TSEN15: variants seen among roughly 807,000 people sequenced by gnomAD.
TSEN15 encodes the protein tRNA splicing endonuclease subunit 15, also known as tRNA-splicing endonuclease subunit Sen15.
A neutral mutation model predicts 20.5 loss-of-function variants in TSEN15; 10 were observed. The ratio of observed to expected loss-of-function variants is 0.49; its 90% CI spans 0.30 to 0.83. The LOEUF (loss-of-function observed/expected upper bound fraction) is 0.83, where lower values mean the gene tolerates loss of function less well. TSEN15 is among the 40% of genes least tolerant of loss of function. TSEN15 has a pLI of 0.06. For missense variants in TSEN15, 180 were observed against 218.6 expected (o/e 0.82, Z 1.11); for synonymous variants, 72 against 80.1 (o/e 0.90, Z 0.54).
chr1:184,055,591 A>G (rs530080532), intron 3 of TSEN15, among the ~76,000 whole-genome samples: 25 of 152,336 alleles, frequency 1.6e-4, no homozygotes, highest in African/African-American at 6.0e-4. Context: ...ATTATACTTT[A>G]TATAGCAGTT....
In TSEN15 at chr1:184,054,823, G is replaced by A. The variant is rs1333267927; in HGVS notation, c.313G>A (p.Val105Met). Residue 105 changes from valine (V) to methionine (M), a missense_variant, in exon 3 of 5, where the codon GTG becomes ATG. Val to Met is a conservative substitution (Grantham distance 21). This residue lies in a region of TSEN15 where 76 missense variants were observed against 123.4 expected (regional missense o/e 0.62). Coordinates refer to ENST00000645668, the MANE Select transcript of TSEN15 (RefSeq NM_052965.4). Reference sequence around the variant, plus strand: ...GATAGAAGGGGAGGGGTTACAGACTGTGGTGCCTACCCCCATCACTGCTTC... The same window carrying A: ...GATAGAAGGGGAGGGGTTACAGACTATGGTGCCTACCCCCATCACTGCTTC... ...TEIEGEGLQT[V>M]VPTPITASLS... The A allele has an allele frequency of 6.2e-7, 1 of 1,611,602 alleles. No individual in the cohort carries two copies. The highest frequency in any genetic ancestry group is 8.5e-7 in the Non-Finnish European group (1 of 1,178,974).
chr1:184,087,363 T>C (rs529156856), intron 3 of TSEN15, among the ~76,000 whole-genome samples: 1 of 152,240 alleles, frequency 6.6e-6, no homozygotes, highest in Non-Finnish European at 1.5e-5. Flanking sequence ...TCCTTTGGTT[T>C]GGACTAGCAC....
At chr1:184,074,504 G>C (rs1651019737), downstream of TSEN15, among the ~76,000 whole-genome samples, 1 of 152,128 alleles carries the variant, frequency 6.6e-6, no homozygotes. Context: ...GCCACCCTCA[G>C]CTCTTTGCCA....
At chr1:184,058,437 C>G (rs1650326484) in intron 3 of TSEN15, among the ~76,000 whole-genome samples, 1 of 151,574 alleles carries the variant, frequency 6.6e-6, no homozygotes, top group African/African-American at 2.4e-5. Flanking sequence ...ATGCAAATAA[C>G]TTTTTAACAA....
chr1:184,070,639 A>G, intron 3 of TSEN15: 1 of 1,288,878 alleles, frequency 7.8e-7, no homozygotes, highest in Non-Finnish European at 1.0e-6. Context: ...ACTTTTGAAG[A>G]AGGAAAATAC....
At chr1:184,068,700 T>C (rs1412266746) in intron 3 of TSEN15, among the ~76,000 whole-genome samples, 1 of 152,354 alleles carries the variant, frequency 6.6e-6, no homozygotes, top group East Asian at 1.9e-4. Context: ...GGACTGAGCC[T>C]GTGGATGAAT....
chr1:184,054,956 A>T, intron 3 of TSEN15, 93 bp downstream of exon 3: 1 of 1,411,098 alleles, frequency 7.1e-7, no homozygotes, highest in Non-Finnish European at 9.5e-7. Flanking sequence ...GAAATTTGGG[A>T]TACAGGGTTC....
chr1:184,079,572 AGGAG>A (rs892466042), intron 3 of TSEN15, among the ~76,000 whole-genome samples: 5 of 152,114 alleles, frequency 3.3e-5, no homozygotes, highest in Non-Finnish European at 7.4e-5. Context: ...TTGAGAAAAA[AGGAG>A]AGAGAGAGAG....
chr1:184,093,721 T>C (rs1651398164), intron 3 of TSEN15: 1 of 152,186 alleles, frequency 6.6e-6, no homozygotes, highest in Non-Finnish European at 1.5e-5. Flanking sequence ...CTTCATTGAT[T>C]CAGGTGAGAG....
At chr1:184,077,913 C>G (rs983054987), downstream of TSEN15, among the ~76,000 whole-genome samples, 2 of 152,114 alleles carry the variant, frequency 1.3e-5, no homozygotes, top group Non-Finnish European at 1.5e-5. Context: ...TGTGCAGATG[C>G]TATGAACACT....
In TSEN15 at chr1:184,052,768, C is replaced by A. The variant is rs188681201; in HGVS notation, c.135+878C>A. 3.3e-5 allele frequency among the ~76,000 whole-genome samples: 5 copies of A among 152,246 alleles called. No homozygotes were observed. The East Asian group carries it at 7.7e-4, about 23-fold the overall frequency. The stretch of plus-strand genomic sequence containing the variant: ...AAAAGGTGAGAAAAAGAAACAATAG[C>A]ATGGAAATATTATTTAGTGCCCTTT... On this transcript the variant is annotated intron_variant, in intron 1 of 4. Coordinates refer to ENST00000645668, the MANE Select transcript of TSEN15 (RefSeq NM_052965.4).
At chr1:184,070,695 C>T (rs1650850566) in intron 3 of TSEN15, 2 of 1,282,700 alleles carry the variant, frequency 1.6e-6, no homozygotes, top group Non-Finnish European at 2.0e-6. Context: ...TTGTGATATG[C>T]TGCCTTTTAT....
At chr1:184,083,260 A>G (rs1427373544) in intron 3 of TSEN15, among the ~76,000 whole-genome samples, 1 of 152,142 alleles carries the variant, frequency 6.6e-6, no homozygotes, top group African/African-American at 2.4e-5. Context: ...AGCTTCATGT[A>G]CCTCAGGCTG....
rs1261725460 is a variant in TSEN15, at chr1:184,072,155, A to G, written c.354-2A>G. The G allele has an allele frequency of 6.2e-7, 1 of 1,611,482 alleles. No individual in the cohort carries two copies. The highest frequency in any genetic ancestry group is 1.7e-5 in the Admixed American group (1 of 59,704). On this transcript the variant is annotated splice_acceptor_variant, in intron 3 of 4. Transcript: ENST00000645668. LOFTEE classifies it high-confidence loss of function. ...CTAAGTATATTGTGACTTTATTTTC[A>G]GGATAAGGGAGATCTTGAAGGCATC...
downstream of TSEN15, among the ~76,000 whole-genome samples, chr1:184,078,761 C>T (rs77187527): frequency 0.18 from 28,106 of 152,102 alleles, 2,719 homozygotes; most frequent in Non-Finnish European, 0.21. Context: ...GCAAAGTTCA[C>T]GTAGTCAGCA....
chr1:184,066,232 G>C (rs1650651331), intron 3 of TSEN15, among the ~76,000 whole-genome samples: 1 of 150,816 alleles, frequency 6.6e-6, no homozygotes, highest in African/African-American at 2.4e-5. Context: ...TTGTTGAAAA[G>C]ATGTTTATTT....
intron 3 of TSEN15, among the ~76,000 whole-genome samples, chr1:184,069,600 T>C (rs1650810714): frequency 6.6e-6 from 1 of 152,128 alleles, no homozygotes; most frequent in Non-Finnish European, 1.5e-5. Context: ...TTGGGATCTT[T>C]ACAATCATAT....
chr1:184,095,082 C>G (rs1651424532), intron 3 of TSEN15: 2 of 398,542 alleles, frequency 5.0e-6, no homozygotes, highest in Non-Finnish European at 8.8e-6. Context: ...ACTGCGAGCT[C>G]TTGGAAGACG....
chr1:184,062,033 T>C (rs1038951738), intron 3 of TSEN15, among the ~76,000 whole-genome samples: 1 of 152,158 alleles, frequency 6.6e-6, no homozygotes, highest in Non-Finnish European at 1.5e-5. Flanking sequence ...ATAGTCCTTA[T>C]GAAAATATTG....
Sources: gnomAD v4.1 joint callset for allele counts (sites outside exome capture counted in the v4.1 genomes callset) on GRCh38, gnomAD v4.1.1 for gene constraint, gnomAD v4.1.1 regional missense constraint, MANE v1.5 for transcripts, NCBI Gene and HGNC (gene_info 2026-07-23, HGNC 2026-07-21) for gene names.